The following NCKAP5 variants were observed in gnomAD, a reference collection of about 807,000 sequenced individuals.
NCKAP5 encodes NCK associated protein 5, also known as nck-associated protein 5.
NCKAP5 carries 92 observed loss-of-function variants against 167.0 expected under a neutral mutation model. That is an observed-to-expected ratio of 0.55 (90% CI 0.47 to 0.66). The LOEUF (loss-of-function observed/expected upper bound fraction) is 0.66, where lower values mean the gene tolerates loss of function less well. NCKAP5 is among the 30% of genes least tolerant of loss of function. NCKAP5 has a pLI of 0.00. For missense variants in NCKAP5, 2,378 were observed against 2,315.0 expected, an observed-to-expected ratio of 1.03 and a Z score of -0.56; for synonymous variants, 891 against 877.4, an observed-to-expected ratio of 1.02 and a Z score of -0.27.
At chr2:133,358,012 G>T (rs937548602) in intron 3 of NCKAP5, among the ~76,000 whole-genome samples, 2 of 152,012 alleles carry the variant, frequency 1.3e-5, no homozygotes, top group Non-Finnish European at 2.9e-5. Context: ...CCTTTTCCTG[G>T]GGTGTTGTCC....
chr2:133,463,902 T>A (rs981537013), intron 3 of NCKAP5, among the ~76,000 whole-genome samples: 3 of 152,236 alleles, frequency 2.0e-5, no homozygotes, highest in Non-Finnish European at 4.4e-5. Flanking sequence ...GGTTCTTGCA[T>A]CAGATATTAT....
chr2:132,697,116 G>A lies in NCKAP5; in HGVS notation c.5714-23811C>T, dbSNP rs553537004. On this transcript the variant is annotated intron_variant, in intron 19 of 19. Transcript: ENST00000409261. ...TTCCCCAGGCTGGTCTCAAACTCCTGGCCTCAAGGAATTTGCCTACCTTGG... is the reference window on the plus strand; with the variant it reads ...TTCCCCAGGCTGGTCTCAAACTCCTAGCCTCAAGGAATTTGCCTACCTTGG... Among the ~76,000 whole-genome samples, 6 of 152,240 alleles carry A rather than the reference G, an allele frequency of 3.9e-5. No homozygotes were observed. The East Asian group carries it at 7.7e-4, about 20-fold the overall frequency.
intron 5 of NCKAP5, among the ~76,000 whole-genome samples, chr2:133,185,477 GT>G (rs199865453): frequency 1.7e-4 from 25 of 150,974 alleles, no homozygotes; most frequent in East Asian, 3.9e-4. Context: ...TTTTAGAACA[GT>G]TTTTTTTTCT....
At position 132,764,436 on chromosome 2, in the gene NCKAP5, T is replaced by G. The variant is rs559726997; in HGVS notation, c.5128+9380A>C. On this transcript the variant is annotated intron_variant, in intron 16 of 19. Coordinates refer to ENST00000409261, the MANE Select transcript of NCKAP5 (RefSeq NM_207363.3). The stretch of plus-strand genomic sequence containing the variant: ...CTCTCCCTTTTGAGTTTATCACTTA[T>G]AGTTAGTTATAAGTGGGTGAACTCA... Among the ~76,000 whole-genome samples the G allele has an allele frequency of 1.6e-4, 24 of 152,350 alleles. No individual in the cohort carries two copies. The South Asian group carries it at 4.8e-3, about 30-fold the overall frequency.
chr2:132,762,089 T>C (rs867265162), intron 16 of NCKAP5, among the ~76,000 whole-genome samples: 16 of 152,246 alleles, frequency 1.1e-4, no homozygotes, highest in Admixed American at 3.3e-4. Flanking sequence ...CTCGTCACGC[T>C]GCTGAGCAAG....
the NCKAP5 span, among the ~76,000 whole-genome samples, chr2:133,630,433 A>G: frequency 1.3e-5 from 2 of 152,140 alleles, no homozygotes; most frequent in Admixed American, 6.5e-5. Context: ...AAGCCATTGG[A>G]TGGTGCACTT....
chr2:132,854,833 G>T (rs1383518512), intron 11 of NCKAP5, among the ~76,000 whole-genome samples: 2 of 152,186 alleles, frequency 1.3e-5, no homozygotes, highest in African/African-American at 4.8e-5. Flanking sequence ...GGGGTGGGCA[G>T]GAGTAGAGTA....
At chr2:133,183,994 G>A (rs972844496) in intron 5 of NCKAP5, among the ~76,000 whole-genome samples, 3 of 151,886 alleles carry the variant, frequency 2.0e-5, no homozygotes, top group Non-Finnish European at 2.9e-5. Context: ...TACATTCAGA[G>A]TGTACACGTG....
At chr2:132,731,699 G>A (rs772903024) in intron 17 of NCKAP5, 38 bp downstream of exon 17, 2 of 1,521,240 alleles carry the variant, frequency 1.3e-6, no homozygotes, top group Non-Finnish European at 1.8e-6. Context: ...TTTTTTGTCA[G>A]CAAATGTCTT....
At chr2:133,460,285 C>T (rs1022834886) in intron 3 of NCKAP5, among the ~76,000 whole-genome samples, 3 of 152,132 alleles carry the variant, frequency 2.0e-5, no homozygotes, top group African/African-American at 4.8e-5. Flanking sequence ...TGAAATTCAT[C>T]CATTAATGAA....
At chr2:133,231,424 G>T (rs2087141959) in intron 4 of NCKAP5, among the ~76,000 whole-genome samples, 1 of 152,088 alleles carries the variant, frequency 6.6e-6, no homozygotes. Flanking sequence ...AAGTCAAAGG[G>T]GTTACTAGGG....
chr2:133,493,201 C>T (rs1014693830), intron 3 of NCKAP5, among the ~76,000 whole-genome samples: 3 of 152,136 alleles, frequency 2.0e-5, no homozygotes, highest in Non-Finnish European at 4.4e-5. Context: ...CTGGCCTTGA[C>T]AGAATTTACA....
intron 6 of NCKAP5, among the ~76,000 whole-genome samples, chr2:133,116,230 G>C (rs1276550425): frequency 2.3e-5 from 2 of 86,258 alleles, no homozygotes; most frequent in Non-Finnish European, 4.3e-5. Context: ...GCTCACGCCT[G>C]TAATCCCAGC....
chr2:133,259,195 C>A (rs920947850), intron 4 of NCKAP5, among the ~76,000 whole-genome samples: 5 of 152,108 alleles, frequency 3.3e-5, no homozygotes, highest in Non-Finnish European at 7.3e-5. Context: ...CTATCCCAAC[C>A]ACACCAGCCT....
intron 8 of NCKAP5, among the ~76,000 whole-genome samples, chr2:132,956,568 C>G (rs562228700): frequency 6.6e-6 from 1 of 152,192 alleles, no homozygotes. Context: ...CACTAGAACA[C>G]GGCCATTGGC....
chr2:133,566,167 C>A (rs1688541978), intron 1 of NCKAP5, among the ~76,000 whole-genome samples: 1 of 152,084 alleles, frequency 6.6e-6, no homozygotes, highest in South Asian at 2.1e-4. Context: ...AACTGAGGTC[C>A]AGGCTTCAGT....
chr2:133,546,616 C>A (rs1367099804), intron 2 of NCKAP5, among the ~76,000 whole-genome samples: 1 of 152,018 alleles, frequency 6.6e-6, no homozygotes, highest in Non-Finnish European at 1.5e-5. Flanking sequence ...AGGGATGCCC[C>A]CACCCTGTGC....
At chr2:132,891,378 A>T (rs1163593245) in intron 8 of NCKAP5, among the ~76,000 whole-genome samples, 2 of 152,200 alleles carry the variant, frequency 1.3e-5, no homozygotes. Flanking sequence ...CTCAAGATGG[A>T]TCAACTTCAG....
chr2:133,167,118 G>T (rs185766211), intron 5 of NCKAP5, among the ~76,000 whole-genome samples: 1 of 152,266 alleles, frequency 6.6e-6, no homozygotes, highest in African/African-American at 2.4e-5. Flanking sequence ...CTTCCCTCAA[G>T]AATCCACTTA....
Sources: gnomAD v4.1 joint callset for allele counts (sites outside exome capture counted in the v4.1 genomes callset) on GRCh38, gnomAD v4.1.1 for gene constraint, MANE v1.5 for transcripts, NCBI Gene and HGNC (gene_info 2026-07-23, HGNC 2026-07-21) for gene names.